OPCML: variants seen among roughly 807,000 people sequenced by gnomAD.
OPCML encodes the protein opioid binding protein/cell adhesion molecule like.
A neutral mutation model predicts 37.8 loss-of-function variants in OPCML; 13 were observed. The observed-to-expected ratio is 0.34, with a 90% confidence interval of 0.22 to 0.55. The LOEUF (loss-of-function observed/expected upper bound fraction) is 0.55, where lower values mean the gene tolerates loss of function less well. OPCML is among the 20% of genes least tolerant of loss of function. The pLI is 0.91. For synonymous variants in OPCML, 176 were observed against 168.8 expected, an observed-to-expected ratio of 1.04 and a Z score of -0.33; for missense variants, 341 against 435.6, an observed-to-expected ratio of 0.78 and a Z score of 1.93.
chr11:132,934,287 C>T (rs906253), intron 2 of OPCML, among the ~76,000 whole-genome samples: 14,471 of 152,122 alleles, frequency 0.095, 824 homozygotes, highest in South Asian at 0.25. Context: ...TACCCAGTCA[C>T]CCAGGGCCTG....
chr11:132,450,693 G>A (rs2096066273), intron 4 of OPCML, among the ~76,000 whole-genome samples: 2 of 152,114 alleles, frequency 1.3e-5, no homozygotes, highest in African/African-American at 2.4e-5. Context: ...AGACACACAA[G>A]TGTTATAAAT....
chr11:133,155,451 C>A (rs970723110), intron 1 of OPCML, among the ~76,000 whole-genome samples: 1 of 152,080 alleles, frequency 6.6e-6, no homozygotes, highest in Non-Finnish European at 1.5e-5. Context: ...AAACACTTTC[C>A]TACCTTGGCT....
intron 1 of OPCML, among the ~76,000 whole-genome samples, chr11:133,220,080 A>G (rs549322479): frequency 6.6e-6 from 1 of 152,144 alleles, no homozygotes; most frequent in African/African-American, 2.4e-5. Context: ...CTTCAACCCT[A>G]AGACTGTTGA....
At chr11:133,141,030 C>CGAAGACGAAGAAGACGACGAAGACGAA (rs1272996022) in intron 1 of OPCML, among the ~76,000 whole-genome samples, 4 of 7,330 alleles carry the variant, frequency 5.5e-4, no homozygotes, top group Non-Finnish European at 9.9e-4. Flanking sequence ...ACGACGACGA[C>CGAAGACGAAGAAGACGACGAAGACGAA]GACGACGACG....
chr11:133,464,354 A>C (rs535361535), intron 1 of OPCML, among the ~76,000 whole-genome samples: 208 of 152,308 alleles, frequency 1.4e-3, no homozygotes, highest in African/African-American at 4.6e-3. Context: ...TCCCTAGGAT[A>C]CAATGGCAAG....
chr11:132,970,489 T>C (rs1033865332), intron 1 of OPCML, among the ~76,000 whole-genome samples: 6 of 152,216 alleles, frequency 3.9e-5, no homozygotes, highest in Non-Finnish European at 8.8e-5. Context: ...ATTTTGCACA[T>C]ACCAGGCTGA....
intron 1 of OPCML, among the ~76,000 whole-genome samples, chr11:133,224,749 A>C (rs1939972946): frequency 6.6e-6 from 1 of 152,262 alleles, no homozygotes; most frequent in African/African-American, 2.4e-5. Context: ...ATGGCTTCAT[A>C]AAATGTAAAC....
At position 132,995,471 on chromosome 11, in the gene OPCML, C is replaced by T. The variant is rs183919854; in HGVS notation, c.62-52461G>A. On this transcript the variant is annotated intron_variant, in intron 1 of 7. Coordinates refer to ENST00000524381, the MANE Select transcript of OPCML (RefSeq NM_001012393.5). ...TTTCCCTCCCTCCCTCCCTTCTTCC[C>T]TCTGTCTCTCCTTCCTTCCTTCCTT... Among the ~76,000 whole-genome samples, 362 of 150,046 alleles carry T rather than the reference C, an allele frequency of 2.4e-3. 1 individual carries two copies. Among genetic ancestry groups the T allele is most frequent in the African/African-American group, 8.6e-3 (356 of 41,454 alleles).
At chr11:132,579,400 T>TGTGTGC in intron 3 of OPCML, among the ~76,000 whole-genome samples, 1 of 151,694 alleles carries the variant, frequency 6.6e-6, no homozygotes, top group African/African-American at 2.4e-5. Flanking sequence ...TGTGTGTGTG[T>TGTGTGC]GTGTGTGTGT....
chr11:133,100,090 G>A (rs1200287795), intron 1 of OPCML, among the ~76,000 whole-genome samples: 1 of 152,192 alleles, frequency 6.6e-6, no homozygotes, highest in Non-Finnish European at 1.5e-5. Flanking sequence ...AATACCATGT[G>A]CTCTCACTTA....
At chr11:132,647,570 A>G (rs1293681386) in intron 3 of OPCML, among the ~76,000 whole-genome samples, 1 of 152,210 alleles carries the variant, frequency 6.6e-6, no homozygotes, top group Non-Finnish European at 1.5e-5. Flanking sequence ...GGAGTAAAGA[A>G]AATGAGACTA....
intron 1 of OPCML, among the ~76,000 whole-genome samples, chr11:133,182,052 G>T (rs1282110340): frequency 6.6e-6 from 1 of 152,136 alleles, no homozygotes; most frequent in Non-Finnish European, 1.5e-5. Context: ...TGTTCTTCTG[G>T]AAGAATTCTC....
intron 2 of OPCML, among the ~76,000 whole-genome samples, chr11:132,817,416 G>A (rs1388659746): frequency 6.6e-6 from 1 of 152,028 alleles, no homozygotes; most frequent in Non-Finnish European, 1.5e-5. Context: ...GTAGTCTTAG[G>A]TATGAAACTG....
At chr11:132,507,652 C>T (rs2096260260) in intron 4 of OPCML, among the ~76,000 whole-genome samples, 1 of 151,406 alleles carries the variant, frequency 6.6e-6, no homozygotes, top group South Asian at 2.1e-4. Flanking sequence ...ACCTGAATAA[C>T]TATAGAGACA....
At chr11:132,805,090 TAGAAAC>T (rs1938919672) in intron 2 of OPCML, among the ~76,000 whole-genome samples, 1 of 152,056 alleles carries the variant, frequency 6.6e-6, no homozygotes. Flanking sequence ...ATTGAAACGA[TAGAAAC>T]AGAACCAAAT....
chr11:133,525,454 C>T (rs1948470840), intron 1 of OPCML, among the ~76,000 whole-genome samples: 5 of 152,156 alleles, frequency 3.3e-5, no homozygotes, highest in Admixed American at 3.3e-4. Flanking sequence ...CAGATCATGG[C>T]CTTGTGGGTC....
intron 1 of OPCML, among the ~76,000 whole-genome samples, chr11:133,139,766 A>G (rs1857318365): frequency 6.6e-6 from 1 of 152,186 alleles, no homozygotes; most frequent in Non-Finnish European, 1.5e-5. Flanking sequence ...TGACTCCAGC[A>G]CTTCCCATTC....
intron 2 of OPCML, among the ~76,000 whole-genome samples, chr11:132,835,053 C>T (rs568372451): frequency 6.6e-6 from 1 of 151,514 alleles, no homozygotes; most frequent in South Asian, 2.1e-4. Flanking sequence ...GACTTCTACT[C>T]TGCAGGGTCA....
chr11:133,286,006 G>A (rs1199702912), intron 1 of OPCML, among the ~76,000 whole-genome samples: 1 of 152,182 alleles, frequency 6.6e-6, no homozygotes, highest in African/African-American at 2.4e-5. Flanking sequence ...AAAAAAATAT[G>A]GAGAAAGAGA....
Sources: allele counts gnomAD v4.1 joint callset (sites outside exome capture counted in the v4.1 genomes callset), GRCh38; gene constraint gnomAD v4.1.1; transcripts MANE v1.5; gene names NCBI Gene and HGNC (gene_info 2026-07-23, HGNC 2026-07-21).